Variants in UROC1 observed in about 807,000 individuals in gnomAD.
UROC1 encodes urocanate hydratase.
In UROC1, 79 loss-of-function variants were observed where a neutral mutation model predicts 89.5. The observed-to-expected ratio is 0.88, with a 90% CI of 0.74 to 1.06. The LOEUF is 1.06. Among genes scored for constraint, UROC1 ranks in the 50% least tolerant of loss-of-function variants. UROC1 has a pLI of 0.00. For synonymous variants in UROC1, 361 were observed against 354.8 expected, an observed-to-expected ratio of 1.02 and a Z score of -0.20; for missense variants, 885 against 907.8, an observed-to-expected ratio of 0.97 and a Z score of 0.32.
chr3:126,501,960 G>A (rs778313576), intron 9 of UROC1: 74 of 1,581,704 alleles, frequency 4.7e-5, no homozygotes, highest in East Asian at 9.0e-5. Flanking sequence ...TGTGGGAACC[G>A]TGAGCAGAGC....
chr3:126,503,745 G>A (rs375118318), intron 9 of UROC1, among the ~76,000 whole-genome samples: 13 of 152,374 alleles, frequency 8.5e-5, no homozygotes, highest in Admixed American at 1.3e-4. Context: ...GGCTGCAGCC[G>A]GCAATGACGG....
intron 1 of UROC1, among the ~76,000 whole-genome samples, chr3:126,513,579 A>G (rs1936240366): frequency 6.6e-6 from 1 of 152,206 alleles, no homozygotes; most frequent in Non-Finnish European, 1.5e-5. Context: ...AGTGGGCATA[A>G]TAACAGTACC....
intron 11 of UROC1, 129 bp from the exon 12 acceptor site, chr3:126,500,283 C>T (rs149577952): frequency 0.01 from 8,834 of 873,430 alleles, 72 homozygotes; most frequent in South Asian, 0.013. Context: ...TCCTGCTCCT[C>T]GGGTCGGCAC....
At chr3:126,484,547 C>A (rs572046267) in intron 18 of UROC1, among the ~76,000 whole-genome samples, 2 of 152,348 alleles carry the variant, frequency 1.3e-5, no homozygotes, top group Non-Finnish European at 1.5e-5. Context: ...CAGGCCCATC[C>A]AGCTTTCCCT....
chr3:126,483,698 G>C (rs1279451217), intron 18 of UROC1, among the ~76,000 whole-genome samples: 1 of 152,230 alleles, frequency 6.6e-6, no homozygotes, highest in Non-Finnish European at 1.5e-5. Context: ...TGCTGGGCCT[G>C]TCGGCCTCGT....
intron 16 of UROC1, among the ~76,000 whole-genome samples, chr3:126,490,872 G>T (rs556407815): frequency 5.3e-5 from 8 of 152,266 alleles, no homozygotes; most frequent in Admixed American, 1.3e-4. Flanking sequence ...TGCACCTGGG[G>T]AGCAGCCCAG....
Position 126,497,673 on chromosome 3 carries a change from C to T in UROC1, c.1438+378G>A, listed in dbSNP as rs143089258. On this transcript the variant is annotated intron_variant, in intron 14 of 19. Transcript: ENST00000290868. ...CTGCGGGCTGCCCAGAAAGCCTGGCCCCGGCCACTGCTGCCTGGCCACCCT... is the reference window on the plus strand; with the variant it reads ...CTGCGGGCTGCCCAGAAAGCCTGGCTCCGGCCACTGCTGCCTGGCCACCCT... 1.7e-3 allele frequency among the ~76,000 whole-genome samples: 263 copies of T among 152,298 alleles called. 2 individuals are homozygous for T. Among genetic ancestry groups the T allele is most frequent in the African/African-American group, 5.6e-3 (234 of 41,570 alleles).
At chr3:126,487,237 G>A (rs1210359817) in intron 18 of UROC1, among the ~76,000 whole-genome samples, 1 of 152,208 alleles carries the variant, frequency 6.6e-6, no homozygotes, top group Non-Finnish European at 1.5e-5. Context: ...CGCCAGCTCT[G>A]TGGCCCTGGG....
chr3:126,486,063 C>T (rs908928005), intron 18 of UROC1, among the ~76,000 whole-genome samples: 2 of 152,188 alleles, frequency 1.3e-5, no homozygotes, highest in African/African-American at 2.4e-5. Context: ...AATCCATCGG[C>T]GCCCCAGGAC....
Position 126,482,423 on chromosome 3 carries a change from C to T in UROC1, c.1953G>A (p.Gln651=), listed in dbSNP as rs765284537. The T allele has an allele frequency of 8.7e-6, 14 of 1,614,032 alleles. No homozygotes were observed. In the East Asian group the frequency reaches 2.5e-4, roughly 28 times the overall value. The change falls in exon 20 of 20, where the codon CAG becomes CAA. Residue 651 remains glutamine, a synonymous_variant. Transcript: ENST00000290868. ...KAYEIICQTM[Q]ENSTLVVTLP... Reference sequence around the variant, plus strand: ...GTGTCACCACCAAGGTGCTGTTCTCCTGCATGGTCTGGCAGATGATCTCAT... The same window carrying T: ...GTGTCACCACCAAGGTGCTGTTCTCTTGCATGGTCTGGCAGATGATCTCAT...
intron 16 of UROC1, 152 bp from the exon 17 acceptor site, chr3:126,489,527 T>A: frequency 1.4e-6 from 1 of 697,314 alleles, no homozygotes; most frequent in Non-Finnish European, 2.6e-6. Flanking sequence ...ATGTCATCTG[T>A]AGCCTGGAAT....
chr3:126,494,440 C>A (rs1369299801), intron 15 of UROC1, among the ~76,000 whole-genome samples: 5 of 152,196 alleles, frequency 3.3e-5, no homozygotes, highest in Non-Finnish European at 7.3e-5. Flanking sequence ...CGAGTCTTGG[C>A]CTTGGCATCT....
rs749040206 is a variant in UROC1 at position 126,497,297 on chromosome 3, G to A, written c.1438+754C>T. On this transcript the variant is annotated intron_variant, in intron 14 of 19. Coordinates refer to ENST00000290868, the MANE Select transcript of UROC1 (RefSeq NM_144639.3). ...CCTGCAGGAAAGCTGCAGAGAGACC[G>A]GGGTAAGAACTGCAACAACAGAGGA... Among the ~76,000 whole-genome samples, 13 of 152,204 alleles carry A rather than the reference G, an allele frequency of 8.5e-5. No homozygotes were observed. The South Asian group carries it at 1.0e-3, about 12-fold the overall frequency.
At chr3:126,507,476 C>T (rs564394569) in intron 6 of UROC1, among the ~76,000 whole-genome samples, 3 of 152,094 alleles carry the variant, frequency 2.0e-5, no homozygotes, top group Admixed American at 6.5e-5. Context: ...ACTGTAAATT[C>T]GGTCAATTTT....
chr3:126,512,309 T>C (rs1325756320), intron 1 of UROC1, among the ~76,000 whole-genome samples: 3 of 152,228 alleles, frequency 2.0e-5, no homozygotes, highest in Non-Finnish European at 4.4e-5. Context: ...GGCTGTGTGG[T>C]GTGATGGGGC....
Position 126,482,170 on chromosome 3 carries a change from G to A in UROC1, c.*175C>T. 1 of 853,840 alleles carries A rather than the reference G, an allele frequency of 1.2e-6. No individual in the cohort carries two copies. The highest frequency in any genetic ancestry group is 1.7e-5 in the South Asian group (1 of 59,470). The allele number at this position is 853,840 out of a possible 1,614,324, so 52.9% of individuals were successfully genotyped here. A position where few individuals can be genotyped will look rare whatever the true frequency, so the allele number is the denominator to read the frequency against. Reference sequence around the variant, plus strand: ...GAGCTGCATGTCTCTGGGCCTCAGGGGGCTGTCTGTAAAATGAGGCTGTGG... The same window carrying A: ...GAGCTGCATGTCTCTGGGCCTCAGGAGGCTGTCTGTAAAATGAGGCTGTGG... On this transcript the variant is annotated 3_prime_UTR_variant, in exon 20 of 20. Coordinates refer to ENST00000290868, the MANE Select transcript of UROC1 (RefSeq NM_144639.3).
Position 126,499,370 on chromosome 3 carries a change from A to G in UROC1, c.1283T>C (p.Phe428Ser), listed in dbSNP as rs757174717. 5 of 1,612,424 alleles carry G rather than the reference A, an allele frequency of 3.1e-6. No homozygotes were observed. The South Asian group carries it at 3.3e-5, about 11-fold the overall frequency. The change falls in exon 13 of 20, where the codon TTC becomes TCC. Residue 428 changes from phenylalanine to serine, a missense_variant. Physicochemically the swap from Phe to Ser is radical, Grantham distance 155. Coordinates refer to ENST00000290868, the MANE Select transcript of UROC1 (RefSeq NM_144639.3). ...VEKKGAGRTE[F>S]RYPSYVQHIM... Reference sequence around the variant, plus strand: ...GTGCTGCACATAGGAAGGGTAGCGGAACTCTGTCCTGCCAGCACCTTTCTT... The same window carrying G: ...GTGCTGCACATAGGAAGGGTAGCGGGACTCTGTCCTGCCAGCACCTTTCTT...
At chr3:126,516,573 C>T (rs1318199596) in intron 1 of UROC1, among the ~76,000 whole-genome samples, 2 of 14,066 alleles carry the variant, frequency 1.4e-4, no homozygotes, top group East Asian at 2.3e-3. Context: ...ACTACCTACT[C>T]TACCTTGCTG....
chr3:126,507,644 T>C, intron 6 of UROC1, 98 bp downstream of exon 6: 1 of 1,246,238 alleles, frequency 8.0e-7, no homozygotes, highest in Non-Finnish European at 1.2e-6. Flanking sequence ...TCTGTGACTA[T>C]GTCTTTCAAA....
Sources: gnomAD v4.1 joint callset for allele counts (sites outside exome capture counted in the v4.1 genomes callset) on GRCh38, gnomAD v4.1.1 for gene constraint, MANE v1.5 for transcripts, NCBI Gene and HGNC (gene_info 2026-07-23, HGNC 2026-07-21) for gene names.